Variants in HMGCLL1 observed in about 807,000 individuals in gnomAD.
HMGCLL1 encodes the protein 3-hydroxymethyl-3-methylglutaryl-CoA lyase, cytoplasmic.
In HMGCLL1, 36 loss-of-function variants were observed where a neutral mutation model predicts 39.1. That is an observed-to-expected ratio of 0.92 (90% CI 0.71 to 1.22). HMGCLL1 has a LOEUF of 1.22. HMGCLL1 is among the 50% of genes most tolerant of loss of function. The pLI is 0.00. For missense variants in HMGCLL1, 451 were observed against 416.5 expected, an observed-to-expected ratio of 1.08 and a Z score of -0.72; for synonymous variants, 149 against 144.0, an observed-to-expected ratio of 1.03 and a Z score of -0.25.
the HMGCLL1 span, among the ~76,000 whole-genome samples, chr6:55,618,673 AAG>A: frequency 6.6e-6 from 1 of 152,090 alleles, no homozygotes; most frequent in Non-Finnish European, 1.5e-5. Flanking sequence ...AAAGAAAAGA[AAG>A]AGTCTATATG....
At chr6:55,472,832 A>G (rs1765106308) in intron 7 of HMGCLL1, among the ~76,000 whole-genome samples, 1 of 151,456 alleles carries the variant, frequency 6.6e-6, no homozygotes. Flanking sequence ...TGATATATCA[A>G]TTACCAAAAG....
rs1054880476 is a variant in HMGCLL1 at position 55,571,420 on chromosome 6, G to A, written c.108+7528C>T. ...TAGTACTGATTTAAATATAAAATAA[G>A]AATGCTGAAAAGGCATAAACAGCCT... is the stretch of plus-strand genomic sequence containing the variant. On this transcript the variant is annotated intron_variant, in intron 1 of 8. Transcript: ENST00000274901. Among the ~76,000 whole-genome samples the A allele has an allele frequency of 2.0e-5, 3 of 152,192 alleles. No individual in the cohort carries two copies. In the East Asian group the frequency reaches 5.8e-4, roughly 29 times the overall value.
chr6:55,644,249 A>T, the HMGCLL1 span, among the ~76,000 whole-genome samples: 3 of 151,582 alleles, frequency 2.0e-5, no homozygotes, highest in African/African-American at 7.3e-5. Context: ...CAGTTGTTAG[A>T]TTTTTTCCTA....
intron 3 of HMGCLL1, among the ~76,000 whole-genome samples, chr6:55,520,219 A>C (rs1209837761): frequency 1.3e-5 from 2 of 149,966 alleles, no homozygotes; most frequent in South Asian, 2.1e-4. Flanking sequence ...CATATTCTGC[A>C]CATGTACCCC....
At chr6:55,546,923 G>A (rs773231651) in intron 1 of HMGCLL1, among the ~76,000 whole-genome samples, 11 of 152,088 alleles carry the variant, frequency 7.2e-5, no homozygotes, top group African/African-American at 1.9e-4. Context: ...GTATGCCCAC[G>A]TTTGGCATCA....
At chr6:55,606,843 C>T in the HMGCLL1 span, among the ~76,000 whole-genome samples, 2 of 151,648 alleles carry the variant, frequency 1.3e-5, no homozygotes, top group African/African-American at 4.9e-5. Context: ...CACACAGCAC[C>T]TTAGAAGAGG....
chr6:55,523,892 T>A (rs1359776175), intron 3 of HMGCLL1, among the ~76,000 whole-genome samples: 1 of 151,912 alleles, frequency 6.6e-6, no homozygotes, highest in Non-Finnish European at 1.5e-5. Context: ...CCATGTGAAA[T>A]CAAATGGAAA....
chr6:55,472,077 A>G (rs1473703365), intron 7 of HMGCLL1, among the ~76,000 whole-genome samples: 2 of 151,682 alleles, frequency 1.3e-5, no homozygotes, highest in African/African-American at 4.8e-5. Flanking sequence ...GTTGCTTCCA[A>G]TTTGGAGTTA....
At chr6:55,499,128 A>T (rs2127426307) in intron 6 of HMGCLL1, 108 bp downstream of exon 6, 1 of 814,790 alleles carries the variant, frequency 1.2e-6, no homozygotes, top group South Asian at 2.0e-5. Context: ...TCGCCTCTTA[A>T]TCCATGGCTT....
At chr6:55,474,644 T>C (rs1001329314) in intron 7 of HMGCLL1, among the ~76,000 whole-genome samples, 4 of 151,598 alleles carry the variant, frequency 2.6e-5, no homozygotes, top group Non-Finnish European at 5.9e-5. Flanking sequence ...TTGCTTTGTC[T>C]CTTCAGGCTG....
intron 7 of HMGCLL1, among the ~76,000 whole-genome samples, chr6:55,486,160 T>A (rs1249660460): frequency 1.3e-5 from 2 of 150,472 alleles, no homozygotes; most frequent in Non-Finnish European, 3.0e-5. Context: ...TTAATACTTA[T>A]TTTACTAATT....
At chr6:55,587,442 G>A in the HMGCLL1 span, among the ~76,000 whole-genome samples, 5 of 150,946 alleles carry the variant, frequency 3.3e-5, no homozygotes, top group African/African-American at 7.3e-5. Context: ...ACGAACAACC[G>A]GAAAATATGC....
chr6:55,525,826 G>C (rs1768287607), intron 3 of HMGCLL1, among the ~76,000 whole-genome samples: 1 of 151,876 alleles, frequency 6.6e-6, no homozygotes, highest in African/African-American at 2.4e-5. Flanking sequence ...ACTCCTCCCT[G>C]CGGTGAGGAG....
intron 4 of HMGCLL1, among the ~76,000 whole-genome samples, chr6:55,516,145 A>T (rs921751292): frequency 6.6e-6 from 1 of 152,122 alleles, no homozygotes; most frequent in Non-Finnish European, 1.5e-5. Flanking sequence ...GTTGACAAAA[A>T]TAATTACCAA....
intron 1 of HMGCLL1, among the ~76,000 whole-genome samples, chr6:55,543,024 A>C (rs1380033737): frequency 8.5e-6 from 1 of 117,200 alleles, no homozygotes; most frequent in African/African-American, 3.4e-5. Context: ...TCATATATAG[A>C]TATATAATAC....
the HMGCLL1 span, among the ~76,000 whole-genome samples, chr6:55,614,968 C>T: frequency 6.6e-6 from 1 of 151,516 alleles, no homozygotes; most frequent in Admixed American, 6.6e-5. Flanking sequence ...TAACAAGACC[C>T]CATCTCTTTA....
the HMGCLL1 span, among the ~76,000 whole-genome samples, chr6:55,610,516 T>C: frequency 6.6e-6 from 1 of 152,018 alleles, no homozygotes; most frequent in Non-Finnish European, 1.5e-5. Flanking sequence ...ACAAAGCCTT[T>C]GAGAACTACG....
intron 7 of HMGCLL1, among the ~76,000 whole-genome samples, chr6:55,487,416 A>T (rs1766088766): frequency 6.6e-6 from 1 of 152,014 alleles, no homozygotes; most frequent in African/African-American, 2.4e-5. Context: ...CACCTACATT[A>T]GGTATTTCTC....
intron 1 of HMGCLL1, 95 bp from the exon 2 acceptor site, chr6:55,542,235 T>TA: frequency 1.5e-6 from 1 of 667,942 alleles, no homozygotes; most frequent in Non-Finnish European, 2.6e-6. Flanking sequence ...GTTATACTCT[T>TA]ACCCCAGAGA....
Sources: allele counts gnomAD v4.1 joint callset (sites outside exome capture counted in the v4.1 genomes callset), GRCh38; gene constraint gnomAD v4.1.1; transcripts MANE v1.5; gene names NCBI Gene and HGNC (gene_info 2026-07-23, HGNC 2026-07-21).